Variants in NEMP1 observed in about 807,000 individuals in gnomAD.
NEMP1 encodes nuclear envelope integral membrane protein 1, also known as transmembrane protein 194.
A neutral mutation model predicts 53.7 loss-of-function variants in NEMP1; 29 were observed. The ratio of observed to expected loss-of-function variants is 0.54; its 90% CI spans 0.40 to 0.74. The LOEUF is 0.74. Ranked by LOEUF, NEMP1 falls within the 30% of genes least tolerant of loss-of-function variation. The probability of loss-of-function intolerance (pLI) is 0.00; values close to 1 mark genes in which losing one functional copy is unlikely to be tolerated. For missense variants in NEMP1, 477 were observed against 528.6 expected, an observed-to-expected ratio of 0.90 and a Z score of 0.96; for synonymous variants, 193 against 192.9, an observed-to-expected ratio of 1.00 and a Z score of 0.00.
intron 1 of NEMP1, among the ~76,000 whole-genome samples, chr12:57,076,618 C>T (rs144005494): frequency 1.5e-3 from 230 of 150,332 alleles, no homozygotes; most frequent in African/African-American, 5.5e-3. Context: ...CCAGCCTGGC[C>T]AGCCTGGTGA....
At chr12:57,077,810 C>T (rs896510245) in intron 1 of NEMP1, among the ~76,000 whole-genome samples, 7 of 152,102 alleles carry the variant, frequency 4.6e-5, no homozygotes, top group African/African-American at 1.7e-4. Context: ...TGGCCGGTCA[C>T]GGTGGCTCAC....
chr12:57,086,295 T>C (rs760772965), intron 1 of NEMP1, among the ~76,000 whole-genome samples: 6 of 152,196 alleles, frequency 3.9e-5, no homozygotes, highest in Non-Finnish European at 7.4e-5. Flanking sequence ...CTGAGGATAC[T>C]GTTTCCCTTC....
chr12:57,070,523 T>C lies in NEMP1; in HGVS notation c.472+151A>G. The C allele has an allele frequency of 8.1e-6, 5 of 618,714 alleles. No homozygotes were observed. In the South Asian group the frequency reaches 1.2e-4, roughly 15 times the overall value. The allele number at this position is 618,714 out of a possible 1,614,324, so 38.3% of individuals were successfully genotyped here. A position where few individuals can be genotyped will look rare whatever the true frequency, so the allele number is the denominator to read the frequency against. On this transcript the variant is annotated intron_variant, in intron 3 of 8. Transcript: ENST00000300128. Reference sequence around the variant, plus strand: ...CTGTCTGATAGGGGTGAAGTCTCCATGAACTGTTTAGAGCAGTGGTATACT... The same window carrying C: ...CTGTCTGATAGGGGTGAAGTCTCCACGAACTGTTTAGAGCAGTGGTATACT...
intron 4 of NEMP1, among the ~76,000 whole-genome samples, chr12:57,065,405 T>A (rs1270623678): frequency 6.6e-6 from 1 of 152,202 alleles, no homozygotes; most frequent in Admixed American, 6.6e-5. Flanking sequence ...CTTCTTCTAG[T>A]ATAAGGCTAT....
intron 4 of NEMP1, among the ~76,000 whole-genome samples, chr12:57,066,953 C>T (rs778185430): frequency 6.6e-6 from 1 of 152,218 alleles, no homozygotes; most frequent in Non-Finnish European, 1.5e-5. Flanking sequence ...CCTCCCCAGC[C>T]ACCAGGAACT....
In NEMP1 at chr12:57,059,749, T is replaced by C. The variant is rs1378245985; in HGVS notation, c.*130A>G. The C allele has an allele frequency of 1.2e-6, 1 of 836,170 alleles. No homozygotes were observed. The highest frequency in any genetic ancestry group is 1.8e-6 in the Non-Finnish European group (1 of 555,312). The allele number at this position is 836,170 out of a possible 1,614,324, so 51.8% of individuals were successfully genotyped here. ...TTCCAAAGGGAGGCCTTTTTAGGCC[T>C]CTTATTTCAGTAGGAGAATTTCTAC... is the stretch of plus-strand genomic sequence containing the variant. On this transcript the variant is annotated 3_prime_UTR_variant, in exon 9 of 9. Transcript: ENST00000300128.
intron 1 of NEMP1, among the ~76,000 whole-genome samples, chr12:57,075,313 G>C (rs764972336): frequency 6.8e-6 from 1 of 147,848 alleles, no homozygotes. Flanking sequence ...GCATGAACCC[G>C]GGAAGTGGAG....
chr12:57,071,152 A>AG (rs748360292), intron 2 of NEMP1, among the ~76,000 whole-genome samples: 1 of 152,232 alleles, frequency 6.6e-6, no homozygotes, highest in Non-Finnish European at 1.5e-5. Context: ...CAGAACATAG[A>AG]GGGAAAAAAG....
In NEMP1 at chr12:57,078,736, C is replaced by T. The variant is rs565371116; in HGVS notation, c.10G>A (p.Gly4Arg). The T allele has an allele frequency of 1.2e-6, 2 of 1,612,032 alleles. No homozygotes were observed. Among genetic ancestry groups the T allele is most frequent in the East Asian group, 2.2e-5 (1 of 44,792 alleles). Residue 4 changes from glycine to arginine, a missense_variant, in exon 1 of 9, where the codon GGA becomes AGA. By Grantham distance (125) the Gly-to-Arg change is moderately radical. Transcript: ENST00000300128. Reference sequence around the variant, plus strand: ...GCCGGCGAGACCGCCACTTTCATTCCTCCCGCCATGGTTGCCTCAAGCCAC... The same window carrying T: ...GCCGGCGAGACCGCCACTTTCATTCTTCCCGCCATGGTTGCCTCAAGCCAC... MAGGMKVAVSPAVG... is the reference protein window; with the variant it reads MAGRMKVAVSPAVG...
rs1458056971 is a variant in NEMP1 at position 57,056,479 on chromosome 12, CTCT to C, written c.*3397_*3399del. On this transcript the variant is annotated 3_prime_UTR_variant, in exon 9 of 9. Transcript: ENST00000300128. ...GGCATGATAAATGTGTCAAACTGTT[CTCT>C]TGTTTCAGATACAATTCTTGGCATT... 1.3e-5 allele frequency: 2 copies of C among 152,172 alleles called. No homozygotes were observed. Among genetic ancestry groups the C allele is most frequent in the Non-Finnish European group, 2.9e-5 (2 of 68,042 alleles). 9.4% of individuals were successfully genotyped at this position (152,172 alleles called of 1,614,324 possible).
At chr12:57,072,469 AAG>A (rs1181015921) in intron 2 of NEMP1, among the ~76,000 whole-genome samples, 2 of 152,116 alleles carry the variant, frequency 1.3e-5, no homozygotes, top group Admixed American at 6.5e-5. Context: ...TAAAAAAAGA[AAG>A]AGGGGTATGT....
rs2031662282 is a variant in NEMP1 at position 57,058,961 on chromosome 12, T to A, written c.*918A>T. ...AAGCATCCAAATCCCCTAAACAAGA[T>A]GACTTCTCCTAGCTAGCAGGAATAA... is the stretch of plus-strand genomic sequence containing the variant. On this transcript the variant is annotated 3_prime_UTR_variant, in exon 9 of 9. Coordinates refer to ENST00000300128, the MANE Select transcript of NEMP1 (RefSeq NM_001130963.2). The A allele has an allele frequency of 6.6e-6, 1 of 152,156 alleles. No individual in the cohort carries two copies. The highest frequency in any genetic ancestry group is 1.5e-5 in the Non-Finnish European group (1 of 68,028). 9.4% of individuals were successfully genotyped at this position (152,156 alleles called of 1,614,324 possible).
chr12:57,058,750 A>G lies in NEMP1; in HGVS notation c.*1129T>C, dbSNP rs1339754910. The G allele has an allele frequency of 6.6e-6, 1 of 152,248 alleles. No individual in the cohort carries two copies. The highest frequency in any genetic ancestry group is 2.4e-5 in the African/African-American group (1 of 41,456). The allele number at this position is 152,248 out of a possible 1,614,324, so 9.4% of individuals were successfully genotyped here. On this transcript the variant is annotated 3_prime_UTR_variant, in exon 9 of 9. Transcript: ENST00000300128. ...GCATAACTACAAATTGTGTATCAAG[A>G]AACTACATAGTTTCAAGGCTTAAAA... is the stretch of plus-strand genomic sequence containing the variant.
upstream of NEMP1, among the ~76,000 whole-genome samples, chr12:57,082,460 T>TC (rs767609514): frequency 6.6e-6 from 1 of 152,150 alleles, no homozygotes; most frequent in Non-Finnish European, 1.5e-5. Flanking sequence ...ACACCTGTGA[T>TC]CCCAGCACTT....
rs995881395 is a variant in NEMP1, at chr12:57,056,362, A to G, written c.*3517T>C. 6.6e-6 allele frequency: 1 copy of G among 152,246 alleles called. No homozygotes were observed. Among genetic ancestry groups the G allele is most frequent in the African/African-American group, 2.4e-5 (1 of 41,458 alleles). The allele number at this position is 152,246 out of a possible 1,614,324, so 9.4% of individuals were successfully genotyped here. On this transcript the variant is annotated 3_prime_UTR_variant, in exon 9 of 9. Coordinates refer to ENST00000300128, the MANE Select transcript of NEMP1 (RefSeq NM_001130963.2). ...AAAAAAAAATCAATTTCTGCTATGT[A>G]GAAAAAGAAACAAAAGGTTTAGGTG...
chr12:57,088,041 C>T (rs2033067640), exon 1 of NEMP1: 1 of 152,400 alleles, frequency 6.6e-6, no homozygotes, highest in Non-Finnish European at 1.5e-5. Context: ...CCTTCCAGCT[C>T]CGCCGCAGGA....
At position 57,064,133 on chromosome 12, in the gene NEMP1, A is replaced by C; in HGVS notation, c.692T>G (p.Leu231Arg). Residue 231 changes from leucine to arginine, a missense_variant, in exon 6 of 9, where the codon CTC (leucine) becomes CGC (arginine). Transcript: ENST00000300128. ...LVGGWSFSLY[L>R]IQLVFKNLQE... ...TAAATTTTTAAAAACTAGTTGAATG[A>C]GGTACAGAGAAAAAGACCAGCCTCC... 1 of 1,611,018 alleles carries C rather than the reference A, an allele frequency of 6.2e-7. No individual in the cohort carries two copies. Among genetic ancestry groups the C allele is most frequent in the South Asian group, 1.1e-5 (1 of 90,550 alleles).
At chr12:57,075,626 C>A (rs532202557) in intron 1 of NEMP1, among the ~76,000 whole-genome samples, 2 of 151,094 alleles carry the variant, frequency 1.3e-5, no homozygotes, top group East Asian at 3.9e-4. Flanking sequence ...GAGTTTGAGA[C>A]CAGCCTGGCC....
intron 1 of NEMP1, among the ~76,000 whole-genome samples, chr12:57,073,305 C>T (rs867832559): frequency 5.3e-5 from 8 of 151,940 alleles, no homozygotes; most frequent in Admixed American, 4.6e-4. Flanking sequence ...GCGCCCGCCA[C>T]CGTGCCCGGC....
Sources: gnomAD v4.1 joint callset for allele counts (sites outside exome capture counted in the v4.1 genomes callset) on GRCh38, gnomAD v4.1.1 for gene constraint, MANE v1.5 for transcripts, NCBI Gene and HGNC (gene_info 2026-07-23, HGNC 2026-07-21) for gene names.